Variants in VWA8 observed in about 807,000 individuals in gnomAD.
VWA8 encodes the protein von Willebrand factor A domain containing 8.
A neutral mutation model predicts 241.5 loss-of-function variants in VWA8; 221 were observed. The observed-to-expected ratio is 0.91, with a 90% CI of 0.82 to 1.02. The LOEUF is 1.02. VWA8 is among the 50% of genes least tolerant of loss of function. VWA8 has a pLI of 0.00. For synonymous variants in VWA8, 852 were observed against 827.1 expected, an observed-to-expected ratio of 1.03 and a Z score of -0.52; for missense variants, 2,322 against 2,328.7, an observed-to-expected ratio of 1.00 and a Z score of 0.06.
intron 26 of VWA8, among the ~76,000 whole-genome samples, chr13:41,708,223 T>A (rs1480619038): frequency 6.6e-6 from 1 of 151,958 alleles, no homozygotes; most frequent in Non-Finnish European, 1.5e-5. Context: ...TAGCCAGGCG[T>A]GGTGGCGCAT....
chr13:41,932,861 T>A (rs1877187151), intron 2 of VWA8, among the ~76,000 whole-genome samples: 1 of 151,940 alleles, frequency 6.6e-6, no homozygotes, highest in African/African-American at 2.4e-5. Flanking sequence ...CTAACCTACT[T>A]AAAAATGAAA....
intron 35 of VWA8, 24 bp from the exon 36 acceptor site, chr13:41,675,320 C>T: frequency 3.8e-6 from 6 of 1,565,890 alleles, no homozygotes; most frequent in Non-Finnish European, 5.3e-6. Context: ...ATGACATGAG[C>T]CAAGTATTAA....
intron 43 of VWA8, among the ~76,000 whole-genome samples, chr13:41,575,224 A>G (rs1422692033): frequency 6.6e-6 from 1 of 152,096 alleles, no homozygotes; most frequent in Non-Finnish European, 1.5e-5. Context: ...GGACACAAAG[A>G]CATAAGAGTG....
At chr13:41,724,913 G>T (rs1053261810) in intron 24 of VWA8, among the ~76,000 whole-genome samples, 1 of 152,184 alleles carries the variant, frequency 6.6e-6, no homozygotes, top group Non-Finnish European at 1.5e-5. Context: ...ACAGGAAAGT[G>T]AAAGGTCTAC....
At chr13:41,732,827 C>T (rs1189326133) in intron 21 of VWA8, among the ~76,000 whole-genome samples, 1 of 152,196 alleles carries the variant, frequency 6.6e-6, no homozygotes, top group Non-Finnish European at 1.5e-5. Context: ...AACCTCCTTA[C>T]ATGATGAGAT....
At chr13:41,729,809 A>ACG (rs10647198) in intron 22 of VWA8, 132 bp from the exon 23 acceptor site, 1 of 454,122 alleles carries the variant, frequency 2.2e-6, no homozygotes. Flanking sequence ...ACACACACAC[A>ACG]CACACACACA....
At chr13:41,673,762 T>G (rs2045041446) in intron 36 of VWA8, among the ~76,000 whole-genome samples, 1 of 152,212 alleles carries the variant, frequency 6.6e-6, no homozygotes, top group Admixed American at 6.5e-5. Flanking sequence ...TCATTATATT[T>G]CCATTGGACA....
chr13:41,663,765 G>A (rs531621049), intron 37 of VWA8, among the ~76,000 whole-genome samples: 4 of 151,500 alleles, frequency 2.6e-5, no homozygotes, highest in East Asian at 2.0e-4. Flanking sequence ...CCCGACTTAC[G>A]ATGATTCAAT....
At position 41,568,048 on chromosome 13, in the gene VWA8, T is replaced by C. The variant is rs1278706025; in HGVS notation, c.*149A>G. 3.1e-6 allele frequency: 2 copies of C among 641,916 alleles called. No homozygotes were observed. The highest frequency in any genetic ancestry group is 5.4e-6 in the Non-Finnish European group (2 of 372,372). 39.8% of individuals were successfully genotyped at this position (641,916 alleles called of 1,614,324 possible). ...TCTGGCTGCTTCTCTGAATTCTCAT[T>C]ACGGAGCAAGTGTAGGAAGACCCAG... is the stretch of plus-strand genomic sequence containing the variant. On this transcript the variant is annotated 3_prime_UTR_variant, in exon 45 of 45. Coordinates refer to ENST00000379310, the MANE Select transcript of VWA8 (RefSeq NM_015058.2).
intron 4 of VWA8, chr13:41,905,321 A>G (rs1313124990): frequency 1.3e-5 from 2 of 152,034 alleles, no homozygotes; most frequent in Non-Finnish European, 2.9e-5. Flanking sequence ...AGAATTTTTC[A>G]TTACAAAACT....
At chr13:41,890,979 T>G (rs1874808403) in intron 5 of VWA8, among the ~76,000 whole-genome samples, 1 of 152,176 alleles carries the variant, frequency 6.6e-6, no homozygotes. Flanking sequence ...TTTTATTCAT[T>G]TCTGTCAATA....
In VWA8 at chr13:41,698,160, A is replaced by G. The variant is rs556499362; in HGVS notation, c.3564+911T>C. On this transcript the variant is annotated intron_variant, in intron 29 of 44. Coordinates refer to ENST00000379310, the MANE Select transcript of VWA8 (RefSeq NM_015058.2). ...TAATTATTTATTTTGCTTATTGTCTATCTTCCTGGATCAGAATGTAAGCTT... is the reference window on the plus strand; with the variant it reads ...TAATTATTTATTTTGCTTATTGTCTGTCTTCCTGGATCAGAATGTAAGCTT... Among the ~76,000 whole-genome samples the G allele has an allele frequency of 9.9e-5, 15 of 152,080 alleles. No homozygotes were observed. The South Asian group carries it at 2.5e-3, about 25-fold the overall frequency.
chr13:41,917,658 T>C (rs1296065656), intron 2 of VWA8, among the ~76,000 whole-genome samples: 1 of 152,204 alleles, frequency 6.6e-6, no homozygotes, highest in African/African-American at 2.4e-5. Flanking sequence ...GACACCAGGC[T>C]GTATAGTGTG....
chr13:41,686,491 T>C (rs2045137134), intron 34 of VWA8, among the ~76,000 whole-genome samples: 1 of 152,016 alleles, frequency 6.6e-6, no homozygotes, highest in African/African-American at 2.4e-5. Flanking sequence ...AAGTGTTTGT[T>C]CAAGTCTTTT....
chr13:41,798,946 T>C (rs1339726625), intron 17 of VWA8, among the ~76,000 whole-genome samples: 1 of 152,204 alleles, frequency 6.6e-6, no homozygotes, highest in Non-Finnish European at 1.5e-5. Context: ...GTTTGCCCAT[T>C]TGTTTGTTTT....
chr13:41,601,761 G>A (rs1186965604), intron 40 of VWA8, among the ~76,000 whole-genome samples: 1 of 152,076 alleles, frequency 6.6e-6, no homozygotes, highest in African/African-American at 2.4e-5. Flanking sequence ...TTAATCGAGA[G>A]GAAAGACATG....
At position 41,881,372 on chromosome 13, in the gene VWA8, C is replaced by CCGGGG. The variant is rs1491423444; in HGVS notation, c.1080+2014_1080+2015insCCCCG. Among the ~76,000 whole-genome samples the CCGGGG allele has an allele frequency of 1.4e-3, 12 of 8,296 alleles. 5 individuals are homozygous for CCGGGG. The highest frequency in any genetic ancestry group is 1.9e-3 in the Admixed American group (1 of 538). 5.4% of individuals were successfully genotyped at this position (8,296 alleles called of 152,430 possible). On this transcript the variant is annotated intron_variant, in intron 9 of 44. Coordinates refer to ENST00000379310, the MANE Select transcript of VWA8 (RefSeq NM_015058.2). ...CTAGAACATCATAGTTTTTTTTTGCCGGGGGGGGGGGGGGGGGGGTAAGGT... is the reference window on the plus strand; with the variant it reads ...CTAGAACATCATAGTTTTTTTTTGCCCGGGGGGGGGGGGGGGGGGGGGGGTAAGGT...
intron 5 of VWA8, among the ~76,000 whole-genome samples, chr13:41,889,219 G>A (rs1874697644): frequency 6.6e-6 from 1 of 152,054 alleles, no homozygotes. Context: ...TTTGTGAAGG[G>A]ATCTTATCTA....
chr13:41,937,881 C>G (rs1270041907), intron 2 of VWA8, among the ~76,000 whole-genome samples: 1 of 152,124 alleles, frequency 6.6e-6, no homozygotes, highest in African/African-American at 2.4e-5. Context: ...TAAAATGCAG[C>G]CAGCCATGGT....
Sources: gnomAD v4.1 joint callset for allele counts (sites outside exome capture counted in the v4.1 genomes callset) on GRCh38, gnomAD v4.1.1 for gene constraint, MANE v1.5 for transcripts, NCBI Gene and HGNC (gene_info 2026-07-23, HGNC 2026-07-21) for gene names.